Variants in TTC3 observed in about 807,000 individuals in gnomAD.
TTC3 encodes the protein tetratricopeptide repeat domain 3.
In TTC3, 180 loss-of-function variants were observed where a neutral mutation model predicts 249.6. The observed-to-expected ratio is 0.72, with a 90% CI of 0.64 to 0.82. TTC3 has a LOEUF of 0.82. Among genes scored for constraint, TTC3 ranks in the 40% least tolerant of loss-of-function variants. TTC3 has a pLI of 0.00. For synonymous variants in TTC3, 717 were observed against 805.0 expected, an observed-to-expected ratio of 0.89 and a Z score of 1.85; for missense variants, 2,061 against 2,398.4, an observed-to-expected ratio of 0.86 and a Z score of 2.94.
At chr21:37,092,225 G>A (rs989965596) in intron 7 of TTC3, among the ~76,000 whole-genome samples, 1 of 152,220 alleles carries the variant, frequency 6.6e-6, no homozygotes, top group African/African-American at 2.4e-5. Flanking sequence ...TGGCTTTTCA[G>A]TAGATGATGA....
At chr21:37,100,741 A>G (rs960539824) in intron 10 of TTC3, 1 of 152,232 alleles carries the variant, frequency 6.6e-6, no homozygotes, top group African/African-American at 2.4e-5. Flanking sequence ...TCCCCTTCAA[A>G]TCTTCACATT....
intron 20 of TTC3, 94 bp from the exon 21 acceptor site, chr21:37,144,431 T>A: frequency 7.1e-7 from 1 of 1,401,506 alleles, no homozygotes; most frequent in Non-Finnish European, 9.7e-7. Flanking sequence ...TCAAATGTAT[T>A]CGTCCCAGTA....
chr21:37,124,978 TA>T (rs1432320819), intron 14 of TTC3, among the ~76,000 whole-genome samples: 1 of 152,258 alleles, frequency 6.6e-6, no homozygotes, highest in Non-Finnish European at 1.5e-5. Flanking sequence ...GTTTCCAACA[TA>T]TTTTTAAAAA....
chr21:37,120,990 C>T (rs2076535392), intron 11 of TTC3, among the ~76,000 whole-genome samples: 3 of 152,122 alleles, frequency 2.0e-5, no homozygotes, highest in Non-Finnish European at 2.9e-5. Flanking sequence ...TAGCCTCTTT[C>T]ACTAGTAAAT....
chr21:37,115,344 T>G (rs2076051975), intron 11 of TTC3, among the ~76,000 whole-genome samples: 1 of 151,946 alleles, frequency 6.6e-6, no homozygotes, highest in African/African-American at 2.4e-5. Flanking sequence ...ATTGTCTGAG[T>G]CCTTCAGATT....
Position 37,075,388 on chromosome 21 carries a change from T to A in TTC3, c.-12+2024T>A, listed in dbSNP as rs150855234. 1.9e-4 allele frequency among the ~76,000 whole-genome samples: 29 copies of A among 152,370 alleles called. No individual in the cohort carries two copies. The East Asian group carries it at 5.6e-3, about 29-fold the overall frequency. On this transcript the variant is annotated intron_variant, in intron 1 of 45. Transcript: ENST00000355666. The stretch of plus-strand genomic sequence containing the variant: ...ATAAATATCTTTGTACTTGTCTGCT[T>A]GTGCACACATTTGGAAGTTTCTGTA...
At chr21:37,126,200 G>A in intron 15 of TTC3, 57 bp downstream of exon 15, 1 of 1,542,228 alleles carries the variant, frequency 6.5e-7, no homozygotes, top group Non-Finnish European at 8.9e-7. Flanking sequence ...TCCTAAATTT[G>A]GATGCCCTAC....
exon 42 of TTC3, chr21:37,195,775 A>G (rs1463075932): frequency 1.2e-6 from 2 of 1,614,040 alleles, no homozygotes; most frequent in African/African-American, 2.7e-5. Flanking sequence ...CTTCACAGGG[A>G]TCCTAGTGTG....
At chr21:37,201,710 A>C in exon 46 of TTC3, 1 of 1,120,334 alleles carries the variant, frequency 8.9e-7, no homozygotes, top group Non-Finnish European at 1.2e-6. Context: ...GGAAATCGTT[A>C]ATATCGCTGA....
At chr21:37,140,707 C>T in intron 20 of TTC3, 34 bp downstream of exon 20, 1 of 1,429,018 alleles carries the variant, frequency 7.0e-7, no homozygotes, top group Non-Finnish European at 9.6e-7. Flanking sequence ...AAGCTCTAGG[C>T]TGGTAACTCA....
chr21:37,157,119 G>A (rs913195212), intron 28 of TTC3: 2 of 1,407,504 alleles, frequency 1.4e-6, no homozygotes, highest in South Asian at 1.3e-5. Context: ...CTCAAATGTA[G>A]GTATGTTATG....
rs910021646 is a variant in TTC3, at chr21:37,126,859, C to CT, written c.1297+729dup. ...TCTGGGGTCTCTTTTCTTTTTCTTT[C>CT]TTTTTTTTTTTTTGAGACAGATTCT... On this transcript the variant is annotated intron_variant, in intron 15 of 45. Transcript: ENST00000355666. Among the ~76,000 whole-genome samples, 1,307 of 143,178 alleles carry CT rather than the reference C, an allele frequency of 9.1e-3. 17 individuals are homozygous for CT. Among genetic ancestry groups the CT allele is most frequent in the African/African-American group, 0.027 (1,040 of 39,032 alleles). The allele number at this position is 143,178 out of a possible 152,430, so 93.9% of individuals were successfully genotyped here.
chr21:37,124,352 G>C (rs2076889620), intron 13 of TTC3, among the ~76,000 whole-genome samples: 1 of 151,688 alleles, frequency 6.6e-6, no homozygotes, highest in Non-Finnish European at 1.5e-5. Flanking sequence ...CCTGACCTTA[G>C]CTGATCCACC....
At chr21:37,131,074 A>G (rs574335558) in intron 16 of TTC3, among the ~76,000 whole-genome samples, 1 of 152,182 alleles carries the variant, frequency 6.6e-6, no homozygotes, top group African/African-American at 2.4e-5. Flanking sequence ...TATTTGTCCC[A>G]GTTCCTGGTA....
At chr21:37,191,410 A>G in exon 40 of TTC3, 1 of 1,578,864 alleles carries the variant, frequency 6.3e-7, no homozygotes, top group African/African-American at 1.4e-5. Flanking sequence ...TACAAAAGAA[A>G]TTGAGAAAGC....
chr21:37,090,395 T>C (rs1185189309), intron 6 of TTC3, 109 bp downstream of exon 6: 2 of 1,076,482 alleles, frequency 1.9e-6, no homozygotes. Context: ...CTATATGTGG[T>C]ATTTGGTAGT....
At chr21:37,172,005 G>T (rs2081843862) in intron 34 of TTC3, among the ~76,000 whole-genome samples, 1 of 152,202 alleles carries the variant, frequency 6.6e-6, no homozygotes, top group African/African-American at 2.4e-5. Context: ...TATGCAGTTT[G>T]AAAGGTTTTA....
intron 10 of TTC3, among the ~76,000 whole-genome samples, chr21:37,103,467 G>C (rs1234979019): frequency 6.6e-6 from 1 of 152,072 alleles, no homozygotes; most frequent in Admixed American, 6.6e-5. Context: ...GGGCTGCAGT[G>C]GTCTGGATGA....
chr21:37,133,329 T>C (rs1787354), intron 17 of TTC3, among the ~76,000 whole-genome samples: 1 of 152,222 alleles, frequency 6.6e-6, no homozygotes, highest in East Asian at 1.9e-4. Flanking sequence ...AGAATACTCA[T>C]TTCAAAACAT....
Sources: gnomAD v4.1 joint callset for allele counts (sites outside exome capture counted in the v4.1 genomes callset) on GRCh38, gnomAD v4.1.1 for gene constraint, MANE v1.5 for transcripts, NCBI Gene and HGNC (gene_info 2026-07-23, HGNC 2026-07-21) for gene names.